SBF2: variants seen among roughly 807,000 people sequenced by gnomAD.
SBF2 encodes the protein SET binding factor 2.
SBF2 carries 112 observed loss-of-function variants against 225.2 expected under a neutral mutation model. The ratio of observed to expected loss-of-function variants is 0.50; its 90% CI spans 0.43 to 0.58. The LOEUF (loss-of-function observed/expected upper bound fraction) is 0.58. SBF2 is among the 20% of genes least tolerant of loss of function. SBF2 has a pLI of 0.00. For synonymous variants in SBF2, 763 were observed against 773.3 expected (o/e 0.99, Z 0.22); for missense variants, 1,996 against 2,206.2 (o/e 0.90, Z 1.91).
chr11:9,927,179 A>G (rs561400925), intron 16 of SBF2, among the ~76,000 whole-genome samples: 2 of 152,328 alleles, frequency 1.3e-5, no homozygotes, highest in Non-Finnish European at 1.5e-5. Context: ...ACCAATTGCT[A>G]AATACCTCTT....
At chr11:9,826,926 C>T (rs1423012076) in intron 28 of SBF2, among the ~76,000 whole-genome samples, 4 of 151,988 alleles carry the variant, frequency 2.6e-5, no homozygotes, top group Admixed American at 6.6e-5. Flanking sequence ...CAACCTCTGC[C>T]TCCCGGGTTC....
chr11:9,926,907 A>G (rs1175784013), intron 16 of SBF2, among the ~76,000 whole-genome samples: 3 of 152,124 alleles, frequency 2.0e-5, no homozygotes, highest in Admixed American at 2.0e-4. Flanking sequence ...GTAGAAATCA[A>G]TAATAGACAA....
intron 17 of SBF2, among the ~76,000 whole-genome samples, chr11:9,860,092 G>C (rs1229473758): frequency 1.3e-5 from 2 of 152,144 alleles, no homozygotes; most frequent in African/African-American, 4.8e-5. Context: ...GTGTGGTTTT[G>C]TGAGTGCGTA....
At chr11:9,821,140 C>G (rs1036158116) in intron 28 of SBF2, among the ~76,000 whole-genome samples, 1 of 152,156 alleles carries the variant, frequency 6.6e-6, no homozygotes, top group African/African-American at 2.4e-5. Context: ...TGAGACCTGT[C>G]TCAGGTACTT....
At chr11:10,268,329 A>C (rs1483075269) in intron 1 of SBF2, among the ~76,000 whole-genome samples, 1 of 152,238 alleles carries the variant, frequency 6.6e-6, no homozygotes, top group Non-Finnish European at 1.5e-5. Flanking sequence ...TAAGTTCTTA[A>C]ACCTATATTT....
chr11:10,226,303 G>A (rs749042024), intron 1 of SBF2, among the ~76,000 whole-genome samples: 6 of 151,986 alleles, frequency 3.9e-5, no homozygotes, highest in South Asian at 4.1e-4. Context: ...CATGTTTTTT[G>A]CATGTGGTAC....
chr11:10,042,930 AC>A lies in SBF2; in HGVS notation c.192del (p.Phe65SerfsTer6). 1 of 1,614,030 alleles carries A rather than the reference AC, an allele frequency of 6.2e-7. No homozygotes were observed. Among genetic ancestry groups the A allele is most frequent in the Non-Finnish European group, 8.5e-7 (1 of 1,179,910 alleles). ...WQLSRERKQP[T>X]FFVVVLTDID... ...ATGTCTGTCAGGACAACCACAAAGA[AC>A]GTTGGCTGCTTCCTCTCTCTGGACA... On this transcript the variant is annotated frameshift_variant, in exon 3 of 40. Coordinates refer to ENST00000256190, the MANE Select transcript of SBF2 (RefSeq NM_030962.4). LOFTEE classifies it high-confidence loss of function.
intron 9 of SBF2, among the ~76,000 whole-genome samples, chr11:9,995,704 G>A (rs952287919): frequency 1.1e-4 from 17 of 150,342 alleles, no homozygotes; most frequent in Non-Finnish European, 2.5e-4. Flanking sequence ...AGGCTGGAGT[G>A]CAACGGCGTG....
At chr11:10,141,068 C>T (rs561530215) in intron 2 of SBF2, among the ~76,000 whole-genome samples, 1 of 152,162 alleles carries the variant, frequency 6.6e-6, no homozygotes, top group Non-Finnish European at 1.5e-5. Flanking sequence ...ATGCATATAT[C>T]CTTACTGTGT....
chr11:10,278,551 C>T (rs1291895939), intron 1 of SBF2, among the ~76,000 whole-genome samples: 3 of 151,922 alleles, frequency 2.0e-5, no homozygotes, highest in Admixed American at 1.3e-4. Flanking sequence ...GAGGCCAAGG[C>T]GGGTGGATTA....
chr11:10,255,408 G>T (rs529223983), intron 1 of SBF2, among the ~76,000 whole-genome samples: 120 of 152,158 alleles, frequency 7.9e-4, no homozygotes, highest in African/African-American at 2.6e-3. Context: ...CAAATCTACT[G>T]GTTTGTCAAG....
At chr11:9,907,756 T>C (rs916999225) in intron 16 of SBF2, among the ~76,000 whole-genome samples, 1 of 152,242 alleles carries the variant, frequency 6.6e-6, no homozygotes, top group African/African-American at 2.4e-5. Context: ...ACCTGGCATA[T>C]GGTAATAATT....
intron 2 of SBF2, among the ~76,000 whole-genome samples, chr11:10,105,620 G>A (rs1166470272): frequency 6.6e-6 from 1 of 152,116 alleles, no homozygotes; most frequent in Non-Finnish European, 1.5e-5. Context: ...TTTATATTTA[G>A]AGAATATCCA....
chr11:9,972,209 G>C (rs1263194953), intron 13 of SBF2, among the ~76,000 whole-genome samples: 1 of 151,966 alleles, frequency 6.6e-6, no homozygotes, highest in Non-Finnish European at 1.5e-5. Flanking sequence ...ACTTCATAAG[G>C]TTCTTATGAG....
In SBF2 at chr11:10,272,240, G is replaced by A; in HGVS notation, c.55+21775C>T. On this transcript the variant is annotated intron_variant, in intron 1 of 39. Transcript: ENST00000256190. ...CTCTACCAAGAGCTGCAGGGCGCTC[G>A]CGCTAGCCCCGGAGGACATGGCGGC... 21 of 1,146,930 alleles carry A rather than the reference G, an allele frequency of 1.8e-5. 5 individuals carry two copies. The East Asian group carries it at 5.1e-4, about 28-fold the overall frequency. 71.0% of individuals were successfully genotyped at this position (1,146,930 alleles called of 1,614,324 possible).
At chr11:10,075,645 T>C (rs568716506) in intron 2 of SBF2, among the ~76,000 whole-genome samples, 2 of 152,326 alleles carry the variant, frequency 1.3e-5, no homozygotes, top group East Asian at 3.9e-4. Flanking sequence ...TGTGAAAACA[T>C]GCTTGCTTCC....
chr11:9,956,500 C>T (rs894507521), intron 16 of SBF2: 9 of 150,666 alleles, frequency 6.0e-5, no homozygotes, highest in Admixed American at 4.0e-4. Context: ...TTTTAATTTG[C>T]ATTTCTTCAA....
At chr11:10,226,141 C>T (rs1798419873) in intron 1 of SBF2, among the ~76,000 whole-genome samples, 2 of 152,032 alleles carry the variant, frequency 1.3e-5, no homozygotes, top group South Asian at 4.1e-4. Flanking sequence ...GACCCGGTCA[C>T]AATAAAGGCT....
At chr11:10,287,012 T>G (rs1021932876) in intron 1 of SBF2, among the ~76,000 whole-genome samples, 8 of 152,228 alleles carry the variant, frequency 5.3e-5, no homozygotes, top group Admixed American at 5.2e-4. Flanking sequence ...TCAAGTGTCC[T>G]TCAACTGGTG....
Sources: gnomAD v4.1 joint callset for allele counts (sites outside exome capture counted in the v4.1 genomes callset) on GRCh38, gnomAD v4.1.1 for gene constraint, MANE v1.5 for transcripts, NCBI Gene and HGNC (gene_info 2026-07-23, HGNC 2026-07-21) for gene names.